MTMR3: variants seen among roughly 807,000 people sequenced by gnomAD.
The protein encoded by MTMR3 is phosphatidylinositol-3,5-bisphosphate 3-phosphatase MTMR3.
MTMR3 carries 32 observed loss-of-function variants against 132.4 expected under a neutral mutation model. The observed-to-expected ratio is 0.24, with a 90% CI of 0.18 to 0.32. The LOEUF (loss-of-function observed/expected upper bound fraction) is 0.32, where lower values mean the gene tolerates loss of function less well. Among genes scored for constraint, MTMR3 ranks in the 10% least tolerant of loss-of-function variants. The pLI is 1.00. For missense variants in MTMR3, 1,216 were observed against 1,489.6 expected (o/e 0.82, Z 3.02); for synonymous variants, 556 against 550.3 (o/e 1.01, Z -0.14).
intron 1 of MTMR3, among the ~76,000 whole-genome samples, chr22:29,925,055 A>G (rs2065487794): frequency 2.0e-5 from 3 of 152,108 alleles, no homozygotes; most frequent in Admixed American, 2.0e-4. Context: ...TTTTTTGGAG[A>G]CAGAGCAAAC....
intron 1 of MTMR3, among the ~76,000 whole-genome samples, chr22:29,947,468 TATGACAA>T (rs1189947328): frequency 6.6e-6 from 1 of 151,264 alleles, no homozygotes; most frequent in Admixed American, 6.6e-5. Flanking sequence ...GTTTTCCTCT[TATGACAA>T]AAGTTAATTT....
At chr22:29,929,583 C>T (rs762862541) in intron 1 of MTMR3, among the ~76,000 whole-genome samples, 2 of 151,766 alleles carry the variant, frequency 1.3e-5, no homozygotes, top group African/African-American at 2.4e-5. Flanking sequence ...AATCTCGGCT[C>T]ACTGCAACCT....
intron 2 of MTMR3, among the ~76,000 whole-genome samples, chr22:29,958,003 A>ATG (rs1236740879): frequency 2.6e-5 from 4 of 152,088 alleles, no homozygotes; most frequent in African/African-American, 4.8e-5. Flanking sequence ...ATATATATAT[A>ATG]TATGTATGTA....
chr22:29,954,206 C>T (rs1464428578), intron 1 of MTMR3, among the ~76,000 whole-genome samples: 2 of 151,598 alleles, frequency 1.3e-5, no homozygotes, highest in Non-Finnish European at 2.9e-5. Flanking sequence ...CTCAGCCTCC[C>T]GAGTACCTGG....
intron 12 of MTMR3, 105 bp from the exon 13 acceptor site, chr22:30,012,263 G>A: frequency 7.9e-7 from 1 of 1,265,100 alleles, no homozygotes; most frequent in Non-Finnish European, 1.1e-6. Flanking sequence ...GTTATATTTG[G>A]AGAGAGAAAT....
chr22:30,026,153 G>A lies in MTMR3; in HGVS notation c.*352G>A, dbSNP rs2145992059. On this transcript the variant is annotated 3_prime_UTR_variant, in exon 20 of 20. Coordinates refer to ENST00000401950, the MANE Select transcript of MTMR3 (RefSeq NM_021090.4). ...AGGGATGGCTTGTTTCTTCCGGGTG[G>A]GAGGATGGTGGTCAGAGCCAGGAGT... is the stretch of plus-strand genomic sequence containing the variant. The A allele has an allele frequency of 4.1e-6, 1 of 242,398 alleles. No individual in the cohort carries two copies. The allele number at this position is 242,398 out of a possible 1,614,324, so 15.0% of individuals were successfully genotyped here. A position where few individuals can be genotyped will look rare whatever the true frequency, so the allele number is the denominator to read the frequency against.
chr22:30,002,847 C>A, intron 8 of MTMR3, 33 bp from the exon 9 acceptor site: 1 of 1,547,338 alleles, frequency 6.5e-7, no homozygotes, highest in Non-Finnish European at 8.9e-7. Flanking sequence ...CTCTTATCCC[C>A]TTGACTCTCC....
chr22:30,021,850 G>A, intron 17 of MTMR3, 179 bp from the exon 18 acceptor site: 2 of 605,806 alleles, frequency 3.3e-6, no homozygotes. Flanking sequence ...TCCCAGCTGA[G>A]CCCAGGCCCA....
rs574947019 is a variant in MTMR3 at position 29,924,155 on chromosome 22, A to G, written c.-137-32881A>G. On this transcript the variant is annotated intron_variant, in intron 1 of 19. Coordinates refer to ENST00000401950, the MANE Select transcript of MTMR3 (RefSeq NM_021090.4). ...CCCTGTTTTCTTCTAAGAGTCTTAC[A>G]GTTTTAGCTCTTATAGTTAGGTCTT... 2.0e-5 allele frequency among the ~76,000 whole-genome samples: 3 copies of G among 152,262 alleles called. No homozygotes were observed. The East Asian group carries it at 5.8e-4, about 29-fold the overall frequency.
chr22:29,958,750 G>T (rs2145847415), intron 2 of MTMR3, among the ~76,000 whole-genome samples: 1 of 152,320 alleles, frequency 6.6e-6, no homozygotes. Flanking sequence ...ACCCCCACAG[G>T]ATTGGGAATG....
chr22:29,983,171 G>C (rs2066790045), intron 5 of MTMR3: 1 of 152,140 alleles, frequency 6.6e-6, no homozygotes, highest in South Asian at 2.1e-4. Context: ...CCAAATTCCA[G>C]TTGTATGCTA....
intron 8 of MTMR3, 176 bp from the exon 9 acceptor site, chr22:30,002,704 A>C: frequency 1.9e-6 from 1 of 533,710 alleles, no homozygotes; most frequent in Non-Finnish European, 3.4e-6. Flanking sequence ...ACTTATGGTA[A>C]CCCATTCTGT....
intron 2 of MTMR3, among the ~76,000 whole-genome samples, chr22:29,964,277 A>G (rs1229297976): frequency 6.6e-6 from 1 of 152,246 alleles, no homozygotes; most frequent in African/African-American, 2.4e-5. Flanking sequence ...AGGTGCTGTA[A>G]TGAACCCTGA....
chr22:29,996,558 TAAATC>T (rs1376521016), intron 7 of MTMR3: 4 of 151,618 alleles, frequency 2.6e-5, no homozygotes, highest in Non-Finnish European at 5.9e-5. Flanking sequence ...ACAAAAAAAA[TAAATC>T]ATTAATGAAA....
At chr22:29,973,767 T>G (rs2066580907) in intron 3 of MTMR3, among the ~76,000 whole-genome samples, 1 of 152,142 alleles carries the variant, frequency 6.6e-6, no homozygotes, top group Non-Finnish European at 1.5e-5. Context: ...GCCCAGCTAA[T>G]TTTTGTATTT....
chr22:30,014,032 C>T (rs1215743268), intron 14 of MTMR3: 1 of 154,018 alleles, frequency 6.5e-6, no homozygotes, highest in Admixed American at 6.5e-5. Context: ...GTGCGTTTCC[C>T]TCTCTACCAG....
At chr22:29,920,466 T>C (rs1399012954) in intron 1 of MTMR3, among the ~76,000 whole-genome samples, 2 of 152,166 alleles carry the variant, frequency 1.3e-5, no homozygotes, top group African/African-American at 4.8e-5. Context: ...GCTAACCTTG[T>C]GTGTGTATTC....
intron 1 of MTMR3, among the ~76,000 whole-genome samples, chr22:29,907,092 A>G (rs2065118486): frequency 6.6e-6 from 1 of 151,586 alleles, no homozygotes; most frequent in East Asian, 1.9e-4. Flanking sequence ...AACAAAATCC[A>G]AAAACATCCT....
intron 1 of MTMR3, among the ~76,000 whole-genome samples, chr22:29,934,029 A>G (rs2065699191): frequency 6.6e-6 from 1 of 152,174 alleles, no homozygotes; most frequent in African/African-American, 2.4e-5. Context: ...ATTATGTATA[A>G]TATCTATGGA....
Sources: allele counts gnomAD v4.1 joint callset (sites outside exome capture counted in the v4.1 genomes callset), GRCh38; gene constraint gnomAD v4.1.1; transcripts MANE v1.5; gene names NCBI Gene and HGNC (gene_info 2026-07-23, HGNC 2026-07-21).